FBXO47: variants seen among roughly 807,000 people sequenced by gnomAD.
FBXO47 encodes F-box protein 47.
Under a neutral mutation model 53.9 loss-of-function variants are expected in FBXO47, and 34 were observed. The observed-to-expected ratio is 0.63, with a 90% CI of 0.48 to 0.84. The LOEUF (loss-of-function observed/expected upper bound fraction) is 0.84, where lower values mean the gene tolerates loss of function less well. Among genes scored for constraint, FBXO47 ranks in the 40% least tolerant of loss-of-function variants. The probability of loss-of-function intolerance (pLI) is 0.00; values close to 1 mark genes in which losing one functional copy is unlikely to be tolerated. For missense variants in FBXO47, 485 were observed against 541.3 expected (o/e 0.90, Z 1.03); for synonymous variants, 165 against 181.6 (o/e 0.91, Z 0.73).
intron 6 of FBXO47, among the ~76,000 whole-genome samples, chr17:38,946,191 TAAAAATATATATAAATATATAC>T (rs1433823363): frequency 8.1e-5 from 9 of 110,970 alleles, no homozygotes; most frequent in East Asian, 6.0e-4. Flanking sequence ...TATAAATATA[TAAAAATATATATAAATATATAC>T]AAAAATATAT....
intron 6 of FBXO47, among the ~76,000 whole-genome samples, chr17:38,946,540 AAAT>A (rs1440780301): frequency 2.2e-5 from 2 of 90,988 alleles, no homozygotes; most frequent in African/African-American, 9.4e-5. Context: ...ATAACTATAT[AAAT>A]ATATATGAAT....
At position 38,943,705 on chromosome 17, in the gene FBXO47, T is replaced by C; in HGVS notation, c.825A>G (p.Glu275=). ...GQVVWQEMIE[E]PTDEFSLKGL... Reference sequence around the variant, plus strand: ...CTTTCAGACTGAATTCATCTGTAGGTTCTTCTATCATTTCCTGCCAAACCA... The same window carrying C: ...CTTTCAGACTGAATTCATCTGTAGGCTCTTCTATCATTTCCTGCCAAACCA... The change falls in exon 8 of 11, where the codon GAA becomes GAG. Residue 275 remains glutamate, a synonymous_variant. Transcript: ENST00000378079. 6.2e-7 allele frequency: 1 copy of C among 1,609,566 alleles called. No individual in the cohort carries two copies. Among genetic ancestry groups the C allele is most frequent in the South Asian group, 1.1e-5 (1 of 90,118 alleles).
intron 9 of FBXO47, among the ~76,000 whole-genome samples, chr17:38,941,452 G>A (rs1482117072): frequency 2.0e-5 from 3 of 149,892 alleles, no homozygotes; most frequent in Non-Finnish European, 4.4e-5. Flanking sequence ...TTACAGGCAT[G>A]AGCCATCATG....
chr17:38,952,263 G>A (rs1184584315), intron 5 of FBXO47, among the ~76,000 whole-genome samples: 2 of 151,184 alleles, frequency 1.3e-5, no homozygotes, highest in Non-Finnish European at 1.5e-5. Flanking sequence ...TAGAGGCTGC[G>A]GTGAGCCAAG....
At chr17:38,959,232 A>T (rs1390024018) in intron 3 of FBXO47, among the ~76,000 whole-genome samples, 1 of 151,940 alleles carries the variant, frequency 6.6e-6, no homozygotes, top group Non-Finnish European at 1.5e-5. Context: ...ATAGAGTCAG[A>T]TGTAATGTTC....
At chr17:38,945,265 C>G in intron 6 of FBXO47, 129 bp from the exon 7 acceptor site, 1 of 632,540 alleles carries the variant, frequency 1.6e-6, no homozygotes, top group Non-Finnish European at 2.7e-6. Context: ...CAGGAAGTAA[C>G]CAAGAGATTA....
At chr17:38,960,000 T>A (rs747717144) in intron 3 of FBXO47, among the ~76,000 whole-genome samples, 2 of 151,730 alleles carry the variant, frequency 1.3e-5, no homozygotes, top group Non-Finnish European at 2.9e-5. Flanking sequence ...TAAATGGGGA[T>A]CTCCCTATGT....
At chr17:38,943,770 T>G in intron 7 of FBXO47, 34 bp from the exon 8 acceptor site, 1 of 1,574,346 alleles carries the variant, frequency 6.4e-7, no homozygotes, top group Non-Finnish European at 8.6e-7. Context: ...TATGACAGAA[T>G]AGTTGGCTTT....
At chr17:38,953,403 T>A (rs1905402156) in intron 5 of FBXO47, among the ~76,000 whole-genome samples, 1 of 151,968 alleles carries the variant, frequency 6.6e-6, no homozygotes, top group African/African-American at 2.4e-5. Context: ...GGTGGGCAGA[T>A]CACCTGAGGT....
At chr17:38,957,088 C>A in intron 4 of FBXO47, 89 bp downstream of exon 4, 2 of 814,996 alleles carry the variant, frequency 2.5e-6, no homozygotes, top group South Asian at 1.8e-5. Context: ...TGAAATTCTA[C>A]TAATATAGAG....
chr17:38,951,257 C>T lies in FBXO47; in HGVS notation c.616+324G>A, dbSNP rs117540061. 4.6e-3 allele frequency among the ~76,000 whole-genome samples: 701 copies of T among 151,714 alleles called. 31 individuals are homozygous for T. In the East Asian group the frequency reaches 0.097, roughly 21 times the overall value. ...GTTGCTCAGGTTGAGTGTGGTGGTGCGATCACAGCTCTCTGCAGCCTCTAC... is the reference window on the plus strand; with the variant it reads ...GTTGCTCAGGTTGAGTGTGGTGGTGTGATCACAGCTCTCTGCAGCCTCTAC... On this transcript the variant is annotated intron_variant, in intron 6 of 10. Transcript: ENST00000378079.
In FBXO47 at chr17:38,947,286, C is replaced by A. The variant is rs192785680; in HGVS notation, c.617-2150G>T. 3.0e-3 allele frequency among the ~76,000 whole-genome samples: 459 copies of A among 151,434 alleles called. 3 individuals carry two copies. Among genetic ancestry groups the A allele is most frequent in the African/African-American group, 0.011 (443 of 41,198 alleles). ...CTGCACTCCAGCCTGGGTGACAGAG[C>A]TAGACTTTGTCTAAACAACAACAAA... On this transcript the variant is annotated intron_variant, in intron 6 of 10. Coordinates refer to ENST00000378079, the MANE Select transcript of FBXO47 (RefSeq NM_001008777.3).
intron 4 of FBXO47, among the ~76,000 whole-genome samples, chr17:38,956,496 G>A (rs1171486424): frequency 1.3e-5 from 2 of 151,536 alleles, no homozygotes; most frequent in Non-Finnish European, 2.9e-5. Context: ...GCTGAGACAG[G>A]AGAATAGCTT....
intron 1 of FBXO47, 114 bp downstream of exon 1, chr17:38,967,115 G>A (rs1906169143): frequency 6.6e-6 from 1 of 152,114 alleles, no homozygotes; most frequent in Admixed American, 6.6e-5. Context: ...AAGCCTAAAG[G>A]ACAAACTGGT....
intron 6 of FBXO47, among the ~76,000 whole-genome samples, chr17:38,950,462 A>ATT (rs71352328): frequency 5.4e-5 from 7 of 128,524 alleles, no homozygotes; most frequent in Admixed American, 1.6e-4. Context: ...TGCCCGCCTA[A>ATT]TTTTTTTTTT....
At chr17:38,958,118 C>G (rs1438731844) in intron 3 of FBXO47, among the ~76,000 whole-genome samples, 1 of 152,082 alleles carries the variant, frequency 6.6e-6, no homozygotes, top group African/African-American at 2.4e-5. Flanking sequence ...TGTGAACCAC[C>G]ATGCCCGGCC....
In FBXO47 at chr17:38,937,180, T is replaced by C. The variant is rs779138094; in HGVS notation, c.1354A>G (p.Thr452Ala). Reference sequence around the variant, plus strand: ...AGGCAAGGCTTTCTGAGGATTTAGGTAGACAGAGGAGTATTCATGGTCAAA... The same window carrying C: ...AGGCAAGGCTTTCTGAGGATTTAGGCAGACAGAGGAGTATTCATGGTCAAA... ...LYLTMNTPLS[T>A] The change falls in exon 11 of 11, where the codon ACC becomes GCC. Residue 452 changes from threonine to alanine, a missense_variant. Coordinates refer to ENST00000378079, the MANE Select transcript of FBXO47 (RefSeq NM_001008777.3). 7.8e-5 allele frequency: 113 copies of C among 1,455,890 alleles called. 1 individual carries two copies. In the South Asian group the frequency reaches 1.0e-3, roughly 13 times the overall value. 90.2% of individuals were successfully genotyped at this position (1,455,890 alleles called of 1,614,324 possible).
chr17:38,954,247 G>A (rs960270793), intron 5 of FBXO47, among the ~76,000 whole-genome samples: 5 of 151,890 alleles, frequency 3.3e-5, no homozygotes, highest in Admixed American at 6.6e-5. Flanking sequence ...GCAGTGAGCC[G>A]AGATCATGCC....
In FBXO47 at chr17:38,957,164, A is replaced by G; in HGVS notation, c.429+13T>C. 6.5e-7 allele frequency: 1 copy of G among 1,527,662 alleles called. No homozygotes were observed. 94.6% of individuals were successfully genotyped at this position (1,527,662 alleles called of 1,614,324 possible). ...AATCAAGATTGTAAACTAATTTAGA[A>G]GTATGATCTTACTTCTGTGAGTATC... On this transcript the variant is annotated intron_variant, in intron 4 of 10. Coordinates refer to ENST00000378079, the MANE Select transcript of FBXO47 (RefSeq NM_001008777.3).
Sources: gnomAD v4.1 joint callset for allele counts (sites outside exome capture counted in the v4.1 genomes callset) on GRCh38, gnomAD v4.1.1 for gene constraint, MANE v1.5 for transcripts, NCBI Gene and HGNC (gene_info 2026-07-23, HGNC 2026-07-21) for gene names.